The following CALCRL variants were observed in gnomAD, a reference collection of about 807,000 sequenced individuals.
CALCRL encodes calcitonin gene-related peptide type 1 receptor.
A neutral mutation model predicts 60.4 loss-of-function variants in CALCRL; 27 were observed. The ratio of observed to expected loss-of-function variants is 0.45; its 90% confidence interval spans 0.33 to 0.62. CALCRL has a LOEUF of 0.62. Ranked by LOEUF, CALCRL falls within the 20% of genes least tolerant of loss-of-function variation. The pLI is 0.03. For synonymous variants in CALCRL, 190 were observed against 182.6 expected (o/e 1.04, Z -0.33); for missense variants, 424 against 540.7 (o/e 0.78, Z 2.14).
chr2:187,371,731 ATT>A (rs11296466), intron 8 of CALCRL, among the ~76,000 whole-genome samples: 42 of 149,808 alleles, frequency 2.8e-4, no homozygotes, highest in Admixed American at 5.3e-4. Flanking sequence ...GCAAGACTCC[ATT>A]TTTTTTTTTT....
intron 1 of CALCRL, among the ~76,000 whole-genome samples, chr2:187,400,129 A>T (rs1688825404): frequency 6.6e-6 from 1 of 151,556 alleles, no homozygotes; most frequent in African/African-American, 2.4e-5. Context: ...TATAAGTTCG[A>T]GGTGATTGAT....
chr2:187,409,990 G>A (rs79311810), intron 1 of CALCRL, among the ~76,000 whole-genome samples: 119 of 152,260 alleles, frequency 7.8e-4, no homozygotes, highest in African/African-American at 2.6e-3. Flanking sequence ...TTGATGACTT[G>A]TTAAAGACTC....
intron 12 of CALCRL, among the ~76,000 whole-genome samples, chr2:187,355,241 C>G (rs1686719488): frequency 1.3e-5 from 2 of 151,996 alleles, no homozygotes; most frequent in Admixed American, 1.3e-4. Flanking sequence ...TGAGATGATA[C>G]ACAGGCAGCT....
chr2:187,361,687 G>A lies in CALCRL; in HGVS notation c.628-936C>T, dbSNP rs55907979. 5.9e-3 allele frequency among the ~76,000 whole-genome samples: 888 copies of A among 151,748 alleles called. 4 individuals are homozygous for A. Among genetic ancestry groups the A allele is most frequent in the Non-Finnish European group, 9.9e-3 (671 of 67,790 alleles). ...TATATTGTTTTATTTAATTCTTAAC[G>A]GTAGTCCTATGAGGTGTACATTATC... On this transcript the variant is annotated intron_variant, in intron 9 of 14. Transcript: ENST00000392370.
At chr2:187,358,006 A>G (rs1460823786) in intron 12 of CALCRL, among the ~76,000 whole-genome samples, 1 of 152,038 alleles carries the variant, frequency 6.6e-6, no homozygotes, top group South Asian at 2.1e-4. Flanking sequence ...TAATTGCACT[A>G]TGATCTCTAA....
At chr2:187,416,761 C>T (rs1028053926) in intron 1 of CALCRL, among the ~76,000 whole-genome samples, 6 of 151,986 alleles carry the variant, frequency 3.9e-5, no homozygotes, top group African/African-American at 7.2e-5. Flanking sequence ...TTCTGTAATT[C>T]AATGTATATG....
Position 187,387,723 on chromosome 2 carries a change from T to C in CALCRL, c.-259A>G, listed in dbSNP as rs1688265870. ...TTCTCTTGGATCATATTTGACATTG[T>C]CTTTAAGAATTTCTTAAATTCAGGG... On this transcript the variant is annotated 5_prime_UTR_variant, in exon 2 of 15. Transcript: ENST00000392370. 1 of 397,044 alleles carries C rather than the reference T, an allele frequency of 2.5e-6. No individual in the cohort carries two copies. The highest frequency in any genetic ancestry group is 4.4e-6 in the Non-Finnish European group (1 of 225,182). 24.6% of individuals were successfully genotyped at this position (397,044 alleles called of 1,614,324 possible). A position where few individuals can be genotyped will look rare whatever the true frequency, so the allele number is the denominator to read the frequency against.
At chr2:187,401,897 T>C (rs982566236) in intron 1 of CALCRL, among the ~76,000 whole-genome samples, 1 of 149,580 alleles carries the variant, frequency 6.7e-6, no homozygotes, top group Non-Finnish European at 1.5e-5. Context: ...TATGGAGCTA[T>C]TACATGGTGA....
intron 12 of CALCRL, among the ~76,000 whole-genome samples, chr2:187,354,299 A>G (rs1268514859): frequency 6.6e-6 from 1 of 151,952 alleles, no homozygotes; most frequent in Non-Finnish European, 1.5e-5. Context: ...CAGTGGCTGT[A>G]GGACAGTTTC....
intron 1 of CALCRL, among the ~76,000 whole-genome samples, chr2:187,390,924 T>A (rs1688413442): frequency 6.6e-6 from 1 of 152,146 alleles, no homozygotes; most frequent in South Asian, 2.1e-4. Context: ...TGCAATTCAC[T>A]TGAGTCATCT....
At chr2:187,405,689 A>G (rs1689085926) in intron 1 of CALCRL, among the ~76,000 whole-genome samples, 1 of 152,042 alleles carries the variant, frequency 6.6e-6, no homozygotes, top group Admixed American at 6.6e-5. Context: ...TGTGGGATTC[A>G]TTACCTGGAA....
intron 8 of CALCRL, among the ~76,000 whole-genome samples, chr2:187,375,887 G>C (rs181099991): frequency 6.6e-6 from 1 of 152,014 alleles, no homozygotes; most frequent in Non-Finnish European, 1.5e-5. Flanking sequence ...ATTTGTTCTT[G>C]AATAAAACAT....
Position 187,360,598 on chromosome 2 carries a change from C to G in CALCRL, c.781G>C (p.Gly261Arg), listed in dbSNP as rs1687013234. ...AACAAGTATGTATAATAACACTTAC[C>G]CCAGCCAAGAAAATAATACCACATT... ...HLMWYYFLGW[G>R]FPLIPACIHA... Residue 261 changes from glycine (G) to arginine (R), a missense_variant and splice_region_variant, in exon 10 of 15, where the codon GGA (glycine) becomes CGA (arginine). By Grantham distance (125) the Gly-to-Arg change is moderately radical. Coordinates refer to ENST00000392370, the MANE Select transcript of CALCRL (RefSeq NM_005795.6). 6.2e-7 allele frequency: 1 copy of G among 1,608,348 alleles called. No homozygotes were observed. Among genetic ancestry groups the G allele is most frequent in the Non-Finnish European group, 8.5e-7 (1 of 1,177,470 alleles).
At chr2:187,446,852 T>C (rs1409882268) in intron 1 of CALCRL, among the ~76,000 whole-genome samples, 1 of 151,770 alleles carries the variant, frequency 6.6e-6, no homozygotes, top group Non-Finnish European at 1.5e-5. Context: ...TACTGAGGAG[T>C]TACTCAGGAT....
chr2:187,352,065 T>C (rs1686557443), intron 13 of CALCRL, 49 bp downstream of exon 13: 1 of 1,559,996 alleles, frequency 6.4e-7, no homozygotes, highest in Admixed American at 1.7e-5. Flanking sequence ...GCTATATGTA[T>C]ATTTAATTCC....
intron 1 of CALCRL, among the ~76,000 whole-genome samples, chr2:187,418,859 CTTTTTTT>C (rs369436031): frequency 3.3e-5 from 4 of 120,006 alleles, no homozygotes; most frequent in African/African-American, 1.2e-4. Flanking sequence ...TTCTTTTTTT[CTTTTTTT>C]TTTTTTTTTA....
At chr2:187,394,247 G>A (rs1339186833) in intron 1 of CALCRL, among the ~76,000 whole-genome samples, 1 of 151,996 alleles carries the variant, frequency 6.6e-6, no homozygotes, top group African/African-American at 2.4e-5. Context: ...ACAACCACAA[G>A]GAATTGAATT....
intron 1 of CALCRL, among the ~76,000 whole-genome samples, chr2:187,443,020 G>A (rs1355521): frequency 0.39 from 59,375 of 151,506 alleles, 12,204 homozygotes; most frequent in African/African-American, 0.51. Context: ...GTAAAGAAAC[G>A]CAATAATTTT....
At chr2:187,440,788 A>T (rs1269501300) in intron 1 of CALCRL, among the ~76,000 whole-genome samples, 1 of 152,160 alleles carries the variant, frequency 6.6e-6, no homozygotes, top group African/African-American at 2.4e-5. Flanking sequence ...TAATTTTATG[A>T]TCAAAACGAC....
Sources: gnomAD v4.1 joint callset for allele counts (sites outside exome capture counted in the v4.1 genomes callset) on GRCh38, gnomAD v4.1.1 for gene constraint, MANE v1.5 for transcripts, NCBI Gene and HGNC (gene_info 2026-07-23, HGNC 2026-07-21) for gene names.